SMARCAD1: variants seen among roughly 807,000 people sequenced by gnomAD.
The protein encoded by SMARCAD1 is SWI/SNF-related matrix-associated actin-dependent regulator of chromatin subfamily A containing DEAD/H box 1.
In SMARCAD1, 25 loss-of-function variants were observed where a neutral mutation model predicts 127.1. The ratio of observed to expected loss-of-function variants is 0.20; its 90% CI spans 0.14 to 0.27. The LOEUF (loss-of-function observed/expected upper bound fraction) is 0.27. Ranked by LOEUF, SMARCAD1 falls within the 10% of genes least tolerant of loss-of-function variation. SMARCAD1 has a pLI of 1.00. For synonymous variants in SMARCAD1, 400 were observed against 396.9 expected, an observed-to-expected ratio of 1.01 and a Z score of -0.09; for missense variants, 807 against 1,206.0, an observed-to-expected ratio of 0.67 and a Z score of 4.90.
At chr4:94,233,806 A>G in intron 3 of SMARCAD1, 148 bp from the exon 4 acceptor site, 1 of 833,198 alleles carries the variant, frequency 1.2e-6, no homozygotes, top group Non-Finnish European at 1.9e-6. Flanking sequence ...AAATGGAAAA[A>G]AAAGGTCTCT....
rs184702628 is a variant in SMARCAD1, at chr4:94,258,805, G to A, written c.1281+5798G>A. Among the ~76,000 whole-genome samples, 549 of 152,316 alleles carry A rather than the reference G, an allele frequency of 3.6e-3. 5 individuals carry two copies. Among genetic ancestry groups the A allele is most frequent in the Middle Eastern group, 0.027 (8 of 294 alleles). On this transcript the variant is annotated intron_variant, in intron 9 of 23. Coordinates refer to ENST00000354268, the MANE Select transcript of SMARCAD1 (RefSeq NM_020159.5). The stretch of plus-strand genomic sequence containing the variant: ...AAAGTCTAAAAATTAAATGCCATCA[G>A]TTGCCTGGCTCTTTAAAAACATTAG...
intron 19 of SMARCAD1, 51 bp downstream of exon 19, chr4:94,279,101 G>T (rs748053371): frequency 1.9e-6 from 3 of 1,610,230 alleles, no homozygotes; most frequent in South Asian, 1.1e-5. Flanking sequence ...AGGTTAAGTT[G>T]TTAGGCTATA....
rs1469425342 is a variant in SMARCAD1, at chr4:94,278,702, C to T, written c.2265C>T (p.Phe755=). The change falls in exon 18 of 24, where the codon TTC becomes TTT. Residue 755 remains phenylalanine, a synonymous_variant. Coordinates refer to ENST00000354268, the MANE Select transcript of SMARCAD1 (RefSeq NM_020159.5). ...AGGAGCAACTCTATTTGGGTCTTTTCAACAGATTGAAAAAATCTATCAATA... is the reference window on the plus strand; with the variant it reads ...AGGAGCAACTCTATTTGGGTCTTTTTAACAGATTGAAAAAATCTATCAATA... ...EKQEQLYLGL[F]NRLKKSINNL... 1 of 1,613,746 alleles carries T rather than the reference C, an allele frequency of 6.2e-7. No individual in the cohort carries two copies. Among genetic ancestry groups the T allele is most frequent in the Non-Finnish European group, 8.5e-7 (1 of 1,179,956 alleles).
At chr4:94,261,544 A>T (rs545817753) in intron 9 of SMARCAD1, among the ~76,000 whole-genome samples, 143 of 152,356 alleles carry the variant, frequency 9.4e-4, no homozygotes, top group Non-Finnish European at 1.6e-3. Flanking sequence ...TGTCCATGAG[A>T]AATACTATAG....
chr4:94,255,601 A>T (rs1288687806), intron 9 of SMARCAD1, among the ~76,000 whole-genome samples: 2 of 151,896 alleles, frequency 1.3e-5, no homozygotes, highest in African/African-American at 2.4e-5. Context: ...TATTAATATT[A>T]CCTACTTGGT....
intron 11 of SMARCAD1, among the ~76,000 whole-genome samples, chr4:94,272,921 C>A (rs1752750149): frequency 6.6e-6 from 1 of 152,142 alleles, no homozygotes; most frequent in Non-Finnish European, 1.5e-5. Context: ...GTCCACCCAC[C>A]TCAGCCCTCC....
chr4:94,288,810 A>G (rs559784265), intron 23 of SMARCAD1, among the ~76,000 whole-genome samples: 2 of 152,304 alleles, frequency 1.3e-5, no homozygotes, highest in African/African-American at 2.4e-5. Flanking sequence ...ACTCATCTCA[A>G]AATATTCTCA....
At position 94,276,216 on chromosome 4, in the gene SMARCAD1, G is replaced by T. The variant is rs534976590; in HGVS notation, c.1809-123G>T. ...TTGAGTATCACCCGTGTCTAGTGCT[G>T]TGCTTTAAGTACTGGCTGTTAGAAA... On this transcript the variant is annotated intron_variant, in intron 14 of 23. Transcript: ENST00000354268. The T allele has an allele frequency of 5.2e-6, 5 of 963,888 alleles. No homozygotes were observed. In the South Asian group the frequency reaches 5.6e-5, roughly 11 times the overall value. 59.7% of individuals were successfully genotyped at this position (963,888 alleles called of 1,614,324 possible). A position where few individuals can be genotyped will look rare whatever the true frequency, so the allele number is the denominator to read the frequency against.
Position 94,290,718 on chromosome 4 carries a change from G to A in SMARCAD1, c.*1184G>A, listed in dbSNP as rs1311986808. On this transcript the variant is annotated 3_prime_UTR_variant, in exon 24 of 24. Transcript: ENST00000354268. Reference sequence around the variant, plus strand: ...AAATTTCTGCCTGTCAGTCTATATTGCTGTTTTTATTATACATCAGTTTCT... The same window carrying A: ...AAATTTCTGCCTGTCAGTCTATATTACTGTTTTTATTATACATCAGTTTCT... The A allele has an allele frequency of 1.1e-5, 5 of 436,320 alleles. No individual in the cohort carries two copies. The highest frequency in any genetic ancestry group is 2.0e-5 in the African/African-American group (1 of 48,790). 27.0% of individuals were successfully genotyped at this position (436,320 alleles called of 1,614,324 possible).
intron 2 of SMARCAD1, among the ~76,000 whole-genome samples, chr4:94,211,028 T>A (rs1742160024): frequency 6.6e-6 from 1 of 151,222 alleles, no homozygotes; most frequent in Non-Finnish European, 1.5e-5. Flanking sequence ...ATCCCAGCAC[T>A]TTGGGAGGCT....
chr4:94,283,767 G>A (rs1423555441), intron 22 of SMARCAD1, among the ~76,000 whole-genome samples: 1 of 151,812 alleles, frequency 6.6e-6, no homozygotes, highest in Non-Finnish European at 1.5e-5. Context: ...AGAGCTTGCA[G>A]TGAGCCGAGA....
chr4:94,277,027 T>C lies in SMARCAD1; in HGVS notation c.1950T>C (p.Asn650=). ...RYQHLMTINA[N]NRLLLTGTPV... ...AATTTTACCTTCATTCACAGGCAAA[T>C]AACCGTTTGCTGCTCACAGGCACAC... is the stretch of plus-strand genomic sequence containing the variant. The change falls in exon 16 of 24, where the codon AAT becomes AAC. Residue 650 remains asparagine (N), a synonymous_variant. Coordinates refer to ENST00000354268, the MANE Select transcript of SMARCAD1 (RefSeq NM_020159.5). 1 of 1,614,056 alleles carries C rather than the reference T, an allele frequency of 6.2e-7. No homozygotes were observed. The highest frequency in any genetic ancestry group is 8.5e-7 in the Non-Finnish European group (1 of 1,179,960).
At chr4:94,276,282 C>G in intron 14 of SMARCAD1, 57 bp from the exon 15 acceptor site, 2 of 1,594,758 alleles carry the variant, frequency 1.3e-6, no homozygotes, top group Non-Finnish European at 1.7e-6. Context: ...TTAAATTTCA[C>G]TAGACTCCAA....
At chr4:94,215,323 A>C (rs1176224052) in intron 2 of SMARCAD1, among the ~76,000 whole-genome samples, 1 of 152,172 alleles carries the variant, frequency 6.6e-6, no homozygotes, top group Non-Finnish European at 1.5e-5. Context: ...TGCATTTTAA[A>C]TGTGCATGTA....
rs774748875 is a variant in SMARCAD1 at position 94,234,004 on chromosome 4, G to T, written c.419G>T (p.Arg140Leu). 3.1e-6 allele frequency: 5 copies of T among 1,613,736 alleles called. No individual in the cohort carries two copies. The highest frequency in any genetic ancestry group is 4.2e-6 in the Non-Finnish European group (5 of 1,179,794). ...EESQGLPTMA[R>L]RNDDISELED... ...TCCCAAGGCCTTCCTACCATGGCACGTAGAAATGATGATATTTCAGAACTG... is the reference window on the plus strand; with the variant it reads ...TCCCAAGGCCTTCCTACCATGGCACTTAGAAATGATGATATTTCAGAACTG... Residue 140 changes from arginine to leucine, a missense_variant, in exon 4 of 24, where the codon CGT (arginine) becomes CTT (leucine). Arg to Leu is a moderately radical substitution (Grantham distance 102). This residue lies in a region of SMARCAD1 where 175 missense variants were observed against 169.5 expected (regional missense o/e 1.03). Transcript: ENST00000354268.
Position 94,277,114 on chromosome 4 carries a change from T to G in SMARCAD1, c.2037T>G (p.Phe679Leu). 1 of 1,614,068 alleles carries G rather than the reference T, an allele frequency of 6.2e-7. No individual in the cohort carries two copies. The change falls in exon 16 of 24, where the codon TTT becomes TTG. Residue 679 changes from phenylalanine (F) to leucine (L), a missense_variant. Coordinates refer to ENST00000354268, the MANE Select transcript of SMARCAD1 (RefSeq NM_020159.5). Reference sequence around the variant, plus strand: ...TGAATTTTGTTATGCCACACATGTTTAGTAGTAGCACCAGTGAAATACGAA... The same window carrying G: ...TGAATTTTGTTATGCCACACATGTTGAGTAGTAGCACCAGTGAAATACGAA... ...SLLNFVMPHM[F>L]SSSTSEIRRM...
Position 94,289,643 on chromosome 4 carries a change from A to G in SMARCAD1, c.*109A>G. The stretch of plus-strand genomic sequence containing the variant: ...TTATGAACATTTATAACTTTTTATA[A>G]TTTCCATATTACATTTCTCATAGTA... On this transcript the variant is annotated 3_prime_UTR_variant, in exon 24 of 24. Coordinates refer to ENST00000354268, the MANE Select transcript of SMARCAD1 (RefSeq NM_020159.5). 1 of 1,050,260 alleles carries G rather than the reference A, an allele frequency of 9.5e-7. No individual in the cohort carries two copies. Among genetic ancestry groups the G allele is most frequent in the South Asian group, 1.3e-5 (1 of 79,214 alleles). The allele number at this position is 1,050,260 out of a possible 1,614,324, so 65.1% of individuals were successfully genotyped here. A position where few individuals can be genotyped will look rare whatever the true frequency, so the allele number is the denominator to read the frequency against.
intron 10 of SMARCAD1, among the ~76,000 whole-genome samples, chr4:94,267,744 G>T (rs1751946935): frequency 1.3e-5 from 2 of 151,988 alleles, no homozygotes; most frequent in Admixed American, 1.3e-4. Flanking sequence ...TCAGTTCAGA[G>T]ATATTTTAAT....
chr4:94,289,984 T>C lies in SMARCAD1; in HGVS notation c.*450T>C, dbSNP rs1487290648. On this transcript the variant is annotated 3_prime_UTR_variant, in exon 24 of 24. Transcript: ENST00000354268. ...TGTCTCATTTGAAGTTCTTTTTTAT[T>C]ATGTTAAAGAATGCAGCTGTATAGA... The C allele has an allele frequency of 6.6e-6, 3 of 454,140 alleles. No homozygotes were observed. The highest frequency in any genetic ancestry group is 1.3e-5 in the Non-Finnish European group (3 of 226,768). 28.1% of individuals were successfully genotyped at this position (454,140 alleles called of 1,614,324 possible). A position where few individuals can be genotyped will look rare whatever the true frequency, so the allele number is the denominator to read the frequency against.
Sources: allele counts gnomAD v4.1 joint callset (sites outside exome capture counted in the v4.1 genomes callset), GRCh38; gene constraint gnomAD v4.1.1; regional missense constraint gnomAD v4.1.1; transcripts MANE v1.5; gene names NCBI Gene and HGNC (gene_info 2026-07-23, HGNC 2026-07-21).